Variants in ROBO2 observed in about 807,000 individuals in gnomAD.
ROBO2 encodes roundabout homolog 2.
In ROBO2, 53 loss-of-function variants were observed where a neutral mutation model predicts 160.8. The ratio of observed to expected loss-of-function variants is 0.33; its 90% confidence interval spans 0.26 to 0.41. The LOEUF (loss-of-function observed/expected upper bound fraction) is 0.41. Ranked by LOEUF, ROBO2 falls within the 10% of genes least tolerant of loss-of-function variation. The pLI, the probability that ROBO2 is intolerant of heterozygous loss-of-function variation, is 1.00. For missense variants in ROBO2, 1,577 were observed against 1,722.4 expected, an observed-to-expected ratio of 0.92 and a Z score of 1.49; for synonymous variants, 664 against 611.7, an observed-to-expected ratio of 1.09 and a Z score of -1.26.
intron 2 of ROBO2, among the ~76,000 whole-genome samples, chr3:76,254,632 G>C (rs542169195): frequency 6.6e-6 from 1 of 152,082 alleles, no homozygotes; most frequent in East Asian, 1.9e-4. Flanking sequence ...GGTTGGAGAG[G>C]AAAGTATACC....
chr3:77,171,083 A>G (rs1014580382), intron 2 of ROBO2, among the ~76,000 whole-genome samples: 8 of 152,154 alleles, frequency 5.3e-5, no homozygotes, highest in African/African-American at 1.9e-4. Context: ...GAAGGACAAT[A>G]TGAATTTTCT....
At chr3:77,325,082 G>A (rs78667822) in intron 2 of ROBO2, among the ~76,000 whole-genome samples, 1 of 152,142 alleles carries the variant, frequency 6.6e-6, no homozygotes, top group Non-Finnish European at 1.5e-5. Flanking sequence ...CAATATTTTA[G>A]AAATAAGAAA....
At chr3:77,491,292 C>G (rs1411415873) in intron 4 of ROBO2, among the ~76,000 whole-genome samples, 1 of 152,146 alleles carries the variant, frequency 6.6e-6, no homozygotes, top group Non-Finnish European at 1.5e-5. Flanking sequence ...CCACTAAAAT[C>G]AAAGGGAACA....
At chr3:77,545,361 A>T (rs1430056215) in intron 6 of ROBO2, among the ~76,000 whole-genome samples, 1 of 151,874 alleles carries the variant, frequency 6.6e-6, no homozygotes, top group Non-Finnish European at 1.5e-5. Flanking sequence ...GAATGTGTTC[A>T]TTTTTCCATT....
At chr3:77,437,733 G>T (rs1164372284) in intron 2 of ROBO2, among the ~76,000 whole-genome samples, 1 of 151,876 alleles carries the variant, frequency 6.6e-6, no homozygotes, top group African/African-American at 2.4e-5. Context: ...TTAGGTTTTT[G>T]AATTGATGAT....
chr3:77,519,500 A>C (rs575129912), intron 5 of ROBO2, among the ~76,000 whole-genome samples: 1 of 150,710 alleles, frequency 6.6e-6, no homozygotes, highest in East Asian at 2.0e-4. Flanking sequence ...TCAGCCCTTA[A>C]CCCCCTCCTT....
Position 77,521,457 on chromosome 3 carries a change from G to T in ROBO2, c.807-1318G>T, listed in dbSNP as rs143287712. On this transcript the variant is annotated intron_variant, in intron 5 of 25. Transcript: ENST00000461745. ...GCTGTAGCAATAAGTTTTCAAAAAG[G>T]CAGTAATTCGATTTTTATAGTATGG... is the stretch of plus-strand genomic sequence containing the variant. 8.6e-5 allele frequency among the ~76,000 whole-genome samples: 13 copies of T among 151,232 alleles called. 1 individual carries two copies. The East Asian group carries it at 2.3e-3, about 27-fold the overall frequency.
At chr3:76,214,414 G>C (rs1056382450) in intron 2 of ROBO2, among the ~76,000 whole-genome samples, 2 of 152,150 alleles carry the variant, frequency 1.3e-5, no homozygotes, top group Admixed American at 6.5e-5. Context: ...CTTTCCTAGT[G>C]AAAGAAAGGG....
intron 21 of ROBO2, among the ~76,000 whole-genome samples, chr3:77,611,404 A>T (rs894656943): frequency 6.6e-6 from 1 of 152,070 alleles, no homozygotes; most frequent in Non-Finnish European, 1.5e-5. Context: ...ATGTTTGAGT[A>T]CAGATGATGG....
At chr3:77,367,726 G>T (rs149966223) in intron 2 of ROBO2, among the ~76,000 whole-genome samples, 2 of 152,022 alleles carry the variant, frequency 1.3e-5, no homozygotes, top group African/African-American at 2.4e-5. Context: ...AAATATTACC[G>T]CTAGCTTCCA....
intron 2 of ROBO2, among the ~76,000 whole-genome samples, chr3:76,019,073 C>A (rs535126951): frequency 4.0e-5 from 6 of 151,858 alleles, no homozygotes; most frequent in African/African-American, 1.4e-4. Flanking sequence ...TTATGGCCTC[C>A]CCACATGGTT....
At chr3:76,179,570 T>C (rs1347964015) in intron 2 of ROBO2, among the ~76,000 whole-genome samples, 1 of 152,186 alleles carries the variant, frequency 6.6e-6, no homozygotes, top group Non-Finnish European at 1.5e-5. Context: ...CTCTTATACA[T>C]CACCATCTTC....
chr3:77,579,576 A>G (rs919588195), intron 15 of ROBO2, among the ~76,000 whole-genome samples: 1 of 152,178 alleles, frequency 6.6e-6, no homozygotes, highest in African/African-American at 2.4e-5. Context: ...AGAGGAAATT[A>G]TGTGTTTTAA....
chr3:77,006,305 T>TTGTG (rs60754546), intron 2 of ROBO2, among the ~76,000 whole-genome samples: 12,072 of 143,870 alleles, frequency 0.084, 836 homozygotes, highest in East Asian at 0.3. Context: ...ATTTTAATAT[T>TTGTG]TGTGTGTGTG....
At chr3:76,282,909 A>G (rs1157686885) in intron 2 of ROBO2, among the ~76,000 whole-genome samples, 2 of 151,630 alleles carry the variant, frequency 1.3e-5, no homozygotes, top group Non-Finnish European at 2.9e-5. Flanking sequence ...GATAATAAGT[A>G]CATGTCTAGT....
chr3:77,607,062 T>G (rs2094539493), intron 20 of ROBO2, among the ~76,000 whole-genome samples: 1 of 152,226 alleles, frequency 6.6e-6, no homozygotes, highest in South Asian at 2.1e-4. Flanking sequence ...TAGATATGGC[T>G]CATATGCTGC....
intron 1 of ROBO2, among the ~76,000 whole-genome samples, chr3:77,085,934 G>T (rs2069242253): frequency 6.6e-6 from 1 of 151,912 alleles, no homozygotes; most frequent in African/African-American, 2.4e-5. Context: ...ATGTTATTGT[G>T]CCCTCAATAA....
At chr3:77,094,094 A>G (rs900763158) in intron 1 of ROBO2, among the ~76,000 whole-genome samples, 2 of 152,158 alleles carry the variant, frequency 1.3e-5, no homozygotes, top group African/African-American at 4.8e-5. Context: ...GAATATTTTC[A>G]TCATCCCTAA....
chr3:77,477,120 CT>C (rs1225810645), intron 2 of ROBO2, among the ~76,000 whole-genome samples: 2 of 152,026 alleles, frequency 1.3e-5, no homozygotes, highest in African/African-American at 2.4e-5. Flanking sequence ...CTGCACCTTG[CT>C]TTTTTAATTA....
Sources: allele counts gnomAD v4.1 joint callset (sites outside exome capture counted in the v4.1 genomes callset), GRCh38; gene constraint gnomAD v4.1.1; transcripts MANE v1.5; gene names NCBI Gene and HGNC (gene_info 2026-07-23, HGNC 2026-07-21).